The following TASP1 variants were observed in gnomAD, a reference collection of about 807,000 sequenced individuals.
TASP1 encodes taspase 1.
In TASP1, 16 loss-of-function variants were observed where a neutral mutation model predicts 56.6. The ratio of observed to expected loss-of-function variants is 0.28; its 90% CI spans 0.19 to 0.43. The LOEUF is 0.43. Ranked by LOEUF, TASP1 falls within the 20% of genes least tolerant of loss-of-function variation. TASP1 has a pLI of 1.00. For missense variants in TASP1, 393 were observed against 511.6 expected, an observed-to-expected ratio of 0.77 and a Z score of 2.24; for synonymous variants, 179 against 184.2, an observed-to-expected ratio of 0.97 and a Z score of 0.23.
intron 13 of TASP1, among the ~76,000 whole-genome samples, chr20:13,409,624 T>C (rs1214460464): frequency 3.3e-5 from 5 of 152,282 alleles, no homozygotes; most frequent in Admixed American, 3.3e-4. Context: ...AAATTATCTT[T>C]TAAATGATGT....
chr20:13,105,765 G>C, the TASP1 span, among the ~76,000 whole-genome samples: 1 of 152,102 alleles, frequency 6.6e-6, no homozygotes, highest in African/African-American at 2.4e-5. Flanking sequence ...GTCCCAAAGG[G>C]AAAACATTCT....
At chr20:13,348,192 A>C in the TASP1 span, among the ~76,000 whole-genome samples, 3 of 152,246 alleles carry the variant, frequency 2.0e-5, no homozygotes, top group Non-Finnish European at 4.4e-5. Flanking sequence ...CTAGTTTTAA[A>C]GATCTATGCC....
chr20:13,509,124 A>AGTGTGTGTGCGT (rs2044234230), intron 10 of TASP1, among the ~76,000 whole-genome samples: 2 of 142,778 alleles, frequency 1.4e-5, no homozygotes, highest in African/African-American at 5.2e-5. Flanking sequence ...GAATGAAGAA[A>AGTGTGTGTGCGT]GTGTGTGTGT....
At chr20:13,269,584 GCTTC>G in the TASP1 span, among the ~76,000 whole-genome samples, 1 of 152,102 alleles carries the variant, frequency 6.6e-6, no homozygotes, top group Non-Finnish European at 1.5e-5. Flanking sequence ...GGACTTGAGT[GCTTC>G]CTTTGCTGTT....
chr20:13,137,566 A>C, the TASP1 span, among the ~76,000 whole-genome samples: 2 of 152,130 alleles, frequency 1.3e-5, no homozygotes, highest in African/African-American at 2.4e-5. Flanking sequence ...CTGTTCCTTC[A>C]TTGTGAAGTC....
At chr20:13,438,675 A>T (rs1226200602) in intron 11 of TASP1, among the ~76,000 whole-genome samples, 1 of 152,240 alleles carries the variant, frequency 6.6e-6, no homozygotes, top group South Asian at 2.1e-4. Flanking sequence ...TAATCTAAAG[A>T]GCTTCTGCAC....
chr20:13,556,698 A>G (rs2046169547), intron 8 of TASP1, among the ~76,000 whole-genome samples: 1 of 152,164 alleles, frequency 6.6e-6, no homozygotes, highest in Non-Finnish European at 1.5e-5. Context: ...AAACTCCCAC[A>G]GGGCCTCTGC....
At chr20:13,451,440 C>T (rs1389108084) in intron 11 of TASP1, among the ~76,000 whole-genome samples, 1 of 152,080 alleles carries the variant, frequency 6.6e-6, no homozygotes, top group Non-Finnish European at 1.5e-5. Context: ...GTGTAGTCAC[C>T]TTCTTCAGTG....
downstream of TASP1, among the ~76,000 whole-genome samples, chr20:13,387,184 A>ATTTTTTTTTTTTT (rs779048448): frequency 4.5e-4 from 32 of 70,706 alleles, no homozygotes; most frequent in African/African-American, 2.1e-3. Context: ...ACATGATTTC[A>ATTTTTTTTTTTTT]TTTTTTTTTT....
At chr20:13,277,336 T>C in the TASP1 span, among the ~76,000 whole-genome samples, 1 of 152,206 alleles carries the variant, frequency 6.6e-6, no homozygotes, top group Admixed American at 6.5e-5. Context: ...ACCATAATTG[T>C]GGGCTTGCCT....
chr20:13,325,303 T>C, the TASP1 span, among the ~76,000 whole-genome samples: 4 of 152,210 alleles, frequency 2.6e-5, no homozygotes, highest in African/African-American at 9.6e-5. Flanking sequence ...TGCACATCTG[T>C]ATTGGGGAAG....
intron 10 of TASP1, among the ~76,000 whole-genome samples, chr20:13,495,528 A>G (rs2043689417): frequency 6.6e-6 from 1 of 152,186 alleles, no homozygotes; most frequent in African/African-American, 2.4e-5. Flanking sequence ...TTTAAGGAAT[A>G]TCAATACAGA....
At chr20:13,225,889 TATAG>T in the TASP1 span, among the ~76,000 whole-genome samples, 1 of 152,166 alleles carries the variant, frequency 6.6e-6, no homozygotes, top group Non-Finnish European at 1.5e-5. Context: ...TGGATATAGA[TATAG>T]ATATATAATA....
At chr20:13,539,230 A>G (rs1339461888) in intron 8 of TASP1, among the ~76,000 whole-genome samples, 1 of 152,240 alleles carries the variant, frequency 6.6e-6, no homozygotes, top group Non-Finnish European at 1.5e-5. Flanking sequence ...TCTATTCTTA[A>G]GTAATCTTTT....
chr20:13,231,047 A>G, the TASP1 span, among the ~76,000 whole-genome samples: 2 of 152,120 alleles, frequency 1.3e-5, no homozygotes, highest in African/African-American at 4.8e-5. Flanking sequence ...TTCGCCTACC[A>G]GAGATTTCTG....
At chr20:13,388,396 T>TA (rs567771527), downstream of TASP1, among the ~76,000 whole-genome samples, 222 of 149,504 alleles carry the variant, frequency 1.5e-3, no homozygotes, top group African/African-American at 4.6e-3. Flanking sequence ...CAATATTCCT[T>TA]AAAAAAAAAA....
chr20:13,272,695 T>G, the TASP1 span, among the ~76,000 whole-genome samples: 3,046 of 152,336 alleles, frequency 0.02, 112 homozygotes, highest in African/African-American at 0.069. Flanking sequence ...AACAGGCCTT[T>G]GGCTCCAATG....
intron 4 of TASP1, among the ~76,000 whole-genome samples, chr20:13,588,580 C>CA (rs892949140): frequency 1.1e-4 from 16 of 151,784 alleles, no homozygotes; most frequent in South Asian, 8.3e-4. Context: ...ACATCAAAAA[C>CA]AAAAAAACAG....
At chr20:13,222,062 C>A in the TASP1 span, 1 of 799,936 alleles carries the variant, frequency 1.3e-6, no homozygotes, top group Non-Finnish European at 1.7e-6. Flanking sequence ...GCCCGGGCCA[C>A]TTGACTTAGG....
Sources: gnomAD v4.1 joint callset for allele counts (sites outside exome capture counted in the v4.1 genomes callset) on GRCh38, gnomAD v4.1.1 for gene constraint, MANE v1.5 for transcripts, NCBI Gene and HGNC (gene_info 2026-07-23, HGNC 2026-07-21) for gene names.